Variants in HCK observed in about 807,000 individuals in gnomAD.
HCK encodes HCK proto-oncogene, Src family tyrosine kinase.
A neutral mutation model predicts 70.4 loss-of-function variants in HCK; 40 were observed. The ratio of observed to expected loss-of-function variants is 0.57; its 90% CI spans 0.44 to 0.74. The LOEUF (loss-of-function observed/expected upper bound fraction) is 0.74. HCK is among the 30% of genes least tolerant of loss of function. HCK has a pLI of 0.00. For missense variants in HCK, 568 were observed against 697.2 expected, an observed-to-expected ratio of 0.81 and a Z score of 2.09; for synonymous variants, 245 against 263.2, an observed-to-expected ratio of 0.93 and a Z score of 0.67.
chr20:32,064,517 AC>A (rs1177571425), intron 1 of HCK, among the ~76,000 whole-genome samples: 1 of 152,230 alleles, frequency 6.6e-6, no homozygotes, highest in Non-Finnish European at 1.5e-5. Context: ...TTCTAATCCA[AC>A]ATCTCATTTC....
chr20:32,075,033 G>C (rs1194985944), intron 5 of HCK, among the ~76,000 whole-genome samples: 1 of 152,240 alleles, frequency 6.6e-6, no homozygotes, highest in Admixed American at 6.5e-5. Flanking sequence ...GCAAGGAAGA[G>C]AGCTGGTGAG....
chr20:32,101,543 G>A lies in HCK; in HGVS notation c.*24G>A, dbSNP rs142066643. 4.4e-6 allele frequency: 7 copies of A among 1,595,222 alleles called. No homozygotes were observed. Among genetic ancestry groups the A allele is most frequent in the Non-Finnish European group, 4.3e-6 (5 of 1,168,158 alleles). On this transcript the variant is annotated 3_prime_UTR_variant, in exon 13 of 13. Coordinates refer to ENST00000375852, the MANE Select transcript of HCK (RefSeq NM_002110.5). ...GATAGGGAGGACCAGGGCAGGGCCAGGGGGTGCCCAGGTGGTGGCTGCAAG... is the reference window on the plus strand; with the variant it reads ...GATAGGGAGGACCAGGGCAGGGCCAAGGGGTGCCCAGGTGGTGGCTGCAAG...
In HCK at chr20:32,099,058, T is replaced by G; in HGVS notation, c.1301T>G (p.Phe434Cys). ...CCTGAAGCCATCAACTTTGGCTCCT[T>G]CACCATCAAGTCAGACGTCTGGTCC... Residue 434 changes from phenylalanine to cysteine, a missense_variant, in exon 12 of 13, where the codon TTC becomes TGC. Phe to Cys is a radical substitution (Grantham distance 205, BLOSUM62 -2). Coordinates refer to ENST00000375852, the MANE Select transcript of HCK (RefSeq NM_002110.5). 6.2e-7 allele frequency: 1 copy of G among 1,614,176 alleles called. No individual in the cohort carries two copies. The highest frequency in any genetic ancestry group is 8.5e-7 in the Non-Finnish European group (1 of 1,180,024).
chr20:32,062,007 T>C (rs1452671259), intron 1 of HCK, among the ~76,000 whole-genome samples: 1 of 141,940 alleles, frequency 7.0e-6, no homozygotes, highest in Non-Finnish European at 1.5e-5. Context: ...TGGTGCGACC[T>C]CGGCTCCCTG....
At chr20:32,053,764 A>G (rs765166630) in intron 1 of HCK, among the ~76,000 whole-genome samples, 1 of 151,816 alleles carries the variant, frequency 6.6e-6, no homozygotes, top group Non-Finnish European at 1.5e-5. Context: ...CTCAGACTTT[A>G]GCCTACATCA....
chr20:32,095,253 G>C (rs1206838391), intron 11 of HCK, among the ~76,000 whole-genome samples: 1 of 152,138 alleles, frequency 6.6e-6, no homozygotes, highest in East Asian at 1.9e-4. Flanking sequence ...ATGTCCAGAA[G>C]AGGCAATCTT....
At chr20:32,062,817 G>C (rs1265137149) in intron 1 of HCK, among the ~76,000 whole-genome samples, 1 of 152,234 alleles carries the variant, frequency 6.6e-6, no homozygotes, top group Non-Finnish European at 1.5e-5. Context: ...CCCGAGGAGA[G>C]GGAGCTGCTG....
intron 11 of HCK, among the ~76,000 whole-genome samples, chr20:32,097,219 G>C (rs919614137): frequency 6.6e-6 from 1 of 151,774 alleles, no homozygotes; most frequent in Non-Finnish European, 1.5e-5. Flanking sequence ...GGTTGAGGCT[G>C]CAGTGAGCCA....
At chr20:32,075,928 G>A (rs1194934628) in intron 5 of HCK, among the ~76,000 whole-genome samples, 1 of 152,188 alleles carries the variant, frequency 6.6e-6, no homozygotes, top group African/African-American at 2.4e-5. Flanking sequence ...AGTCCCCATT[G>A]TTTTGTCTCT....
rs776706589 is a variant in HCK at position 32,052,805 on chromosome 20, T to TGGG, written c.62+319_62+320insGGG. 6.5e-3 allele frequency among the ~76,000 whole-genome samples: 868 copies of TGGG among 133,160 alleles called. 39 individuals are homozygous for TGGG. The highest frequency in any genetic ancestry group is 0.01 in the Non-Finnish European group (600 of 58,646). 87.4% of individuals were successfully genotyped at this position (133,160 alleles called of 152,430 possible). ...CTTGGGGGGGGGCGGGGATTTTTTT[T>TGGG]TTAATTTAAAAAAGAAAAAGAAGGA... On this transcript the variant is annotated intron_variant, in intron 1 of 12. Transcript: ENST00000375852.
At chr20:32,061,936 CTTTTTTTTTT>C (rs557203114) in intron 1 of HCK, among the ~76,000 whole-genome samples, 1 of 122,048 alleles carries the variant, frequency 8.2e-6, no homozygotes, top group African/African-American at 3.3e-5. Flanking sequence ...TCTGACTTAC[CTTTTTTTTTT>C]TTTTTTTTTT....
intron 1 of HCK, among the ~76,000 whole-genome samples, chr20:32,066,961 C>T (rs1189808758): frequency 1.3e-5 from 2 of 152,116 alleles, no homozygotes; most frequent in Admixed American, 1.3e-4. Flanking sequence ...TGACTTTCCC[C>T]CAATCTTTAT....
chr20:32,085,643 G>GCC (rs1020863599), intron 8 of HCK, among the ~76,000 whole-genome samples: 5 of 152,202 alleles, frequency 3.3e-5, no homozygotes, highest in African/African-American at 1.2e-4. Context: ...ACTACAGGAA[G>GCC]CCCACGGTTC....
intron 6 of HCK, among the ~76,000 whole-genome samples, chr20:32,083,102 C>T (rs190066062): frequency 6.8e-4 from 103 of 152,178 alleles, no homozygotes; most frequent in Non-Finnish European, 6.3e-4. Flanking sequence ...CTACAGCATT[C>T]CTTGGCTCAT....
chr20:32,092,384 G>A (rs1269438274), intron 10 of HCK, among the ~76,000 whole-genome samples: 1 of 152,182 alleles, frequency 6.6e-6, no homozygotes, highest in Admixed American at 6.5e-5. Context: ...TAAACCAAAA[G>A]TGCTGCTTTC....
At chr20:32,056,595 C>T (rs2045276506) in intron 1 of HCK, among the ~76,000 whole-genome samples, 1 of 151,956 alleles carries the variant, frequency 6.6e-6, no homozygotes. Flanking sequence ...ACATTCCCAC[C>T]GTAATATACA....
intron 6 of HCK, among the ~76,000 whole-genome samples, chr20:32,082,699 A>G (rs2045725091): frequency 6.6e-6 from 1 of 152,222 alleles, no homozygotes; most frequent in East Asian, 1.9e-4. Flanking sequence ...TACTATTATC[A>G]TGGTAAAGAA....
At chr20:32,070,914 G>A (rs972780411) in intron 1 of HCK, among the ~76,000 whole-genome samples, 2 of 146,296 alleles carry the variant, frequency 1.4e-5, no homozygotes, top group African/African-American at 5.1e-5. Flanking sequence ...GGAGGACAGA[G>A]GAGGGGGAAG....
At chr20:32,063,574 T>TG (rs763733467) in intron 1 of HCK, among the ~76,000 whole-genome samples, 1 of 152,114 alleles carries the variant, frequency 6.6e-6, no homozygotes, top group Non-Finnish European at 1.5e-5. Context: ...TTTTAAGGCA[T>TG]GGCTTCAGTG....
Sources: allele counts gnomAD v4.1 joint callset (sites outside exome capture counted in the v4.1 genomes callset), GRCh38; gene constraint gnomAD v4.1.1; transcripts MANE v1.5; gene names NCBI Gene and HGNC (gene_info 2026-07-23, HGNC 2026-07-21).